Variants in WWOX observed in about 807,000 individuals in gnomAD.
WWOX encodes the protein WW domain-containing oxidoreductase.
A neutral mutation model predicts 46.2 loss-of-function variants in WWOX; 69 were observed. The observed-to-expected ratio is 1.49, with a 90% confidence interval of 1.23 to 1.82. The LOEUF is 1.82. WWOX is among the 40% of genes most tolerant of loss of function. The pLI, the probability that WWOX is intolerant of heterozygous loss-of-function variation, is 0.00. For synonymous variants in WWOX, 359 were observed against 202.6 expected (o/e 1.77, Z -6.56); for missense variants, 919 against 542.6 (o/e 1.69, Z -6.89).
chr16:78,141,053 A>T (rs1054913552), intron 4 of WWOX, among the ~76,000 whole-genome samples: 11 of 152,168 alleles, frequency 7.2e-5, no homozygotes, highest in Admixed American at 6.5e-4. Flanking sequence ...TTCAGAAGTA[A>T]TTGTTCTTTT....
chr16:78,949,198 C>A (rs1046535459), intron 8 of WWOX, among the ~76,000 whole-genome samples: 1 of 152,206 alleles, frequency 6.6e-6, no homozygotes, highest in Non-Finnish European at 1.5e-5. Flanking sequence ...AGAGCCCAGG[C>A]TGGCTGACAC....
intron 8 of WWOX, among the ~76,000 whole-genome samples, chr16:79,128,923 A>G (rs542317880): frequency 9.8e-4 from 149 of 152,272 alleles, no homozygotes; most frequent in African/African-American, 3.6e-3. Context: ...CAAAGGTGCC[A>G]TTGTTGCCCA....
chr16:78,299,881 G>A (rs2080009223), intron 5 of WWOX, among the ~76,000 whole-genome samples: 1 of 152,192 alleles, frequency 6.6e-6, no homozygotes, highest in East Asian at 1.9e-4. Context: ...CTAAGAATTT[G>A]GACTAAAATT....
chr16:79,035,949 C>G (rs2047857772), intron 8 of WWOX, among the ~76,000 whole-genome samples: 1 of 152,216 alleles, frequency 6.6e-6, no homozygotes, highest in African/African-American at 2.4e-5. Flanking sequence ...TCTTAGAAGG[C>G]CATGCCTACA....
intron 8 of WWOX, among the ~76,000 whole-genome samples, chr16:78,468,677 G>C (rs941113972): frequency 2.0e-5 from 3 of 152,126 alleles, no homozygotes; most frequent in Non-Finnish European, 4.4e-5. Context: ...CCTAGCCTAC[G>C]TTACTGCACC....
chr16:79,200,672 C>T (rs547494318), intron 8 of WWOX, among the ~76,000 whole-genome samples: 3 of 152,074 alleles, frequency 2.0e-5, no homozygotes, highest in African/African-American at 2.4e-5. Context: ...TTAGACTAAC[C>T]CTCCCTAAGC....
chr16:78,568,318 A>G (rs548997038), intron 8 of WWOX, among the ~76,000 whole-genome samples: 33 of 152,144 alleles, frequency 2.2e-4, no homozygotes, highest in Non-Finnish European at 3.4e-4. Flanking sequence ...TGTCCCTCCA[A>G]AAGCCTGCAT....
chr16:79,009,299 G>A (rs998739219), intron 8 of WWOX, among the ~76,000 whole-genome samples: 7 of 152,130 alleles, frequency 4.6e-5, no homozygotes, highest in Non-Finnish European at 7.3e-5. Context: ...ATGAAGGGGC[G>A]CTTTCTGGAA....
intron 8 of WWOX, among the ~76,000 whole-genome samples, chr16:78,467,190 G>A (rs537546320): frequency 6.6e-6 from 1 of 152,112 alleles, no homozygotes; most frequent in Non-Finnish European, 1.5e-5. Flanking sequence ...TTTCAAAGAG[G>A]TAGGCTGGAA....
intron 8 of WWOX, among the ~76,000 whole-genome samples, chr16:78,796,976 C>T (rs1000069018): frequency 1.2e-4 from 18 of 152,080 alleles, no homozygotes; most frequent in African/African-American, 4.1e-4. Context: ...TAGGCATGAG[C>T]CACCATGCCT....
chr16:79,047,501 C>T lies in WWOX; in HGVS notation c.1057-164107C>T, dbSNP rs1208700962. Among the ~76,000 whole-genome samples, 3 of 152,018 alleles carry T rather than the reference C, an allele frequency of 2.0e-5. No homozygotes were observed. The South Asian group carries it at 6.2e-4, about 32-fold the overall frequency. On this transcript the variant is annotated intron_variant, in intron 8 of 8. Coordinates refer to ENST00000566780, the MANE Select transcript of WWOX (RefSeq NM_016373.4). ...GCATATAGAAATGATGTCGTTAATGCACAAATACCTGCATCCTGTCTTGAA... is the reference window on the plus strand; with the variant it reads ...GCATATAGAAATGATGTCGTTAATGTACAAATACCTGCATCCTGTCTTGAA...
At chr16:78,595,794 G>T (rs904950179) in intron 8 of WWOX, among the ~76,000 whole-genome samples, 1 of 152,214 alleles carries the variant, frequency 6.6e-6, no homozygotes, top group African/African-American at 2.4e-5. Flanking sequence ...TTTGTGATGA[G>T]AAGATTCAAA....
chr16:78,322,101 C>T (rs181038452), intron 5 of WWOX, among the ~76,000 whole-genome samples: 23 of 152,148 alleles, frequency 1.5e-4, no homozygotes, highest in African/African-American at 5.5e-4. Context: ...CAATTTCATC[C>T]TATATAAACC....
At chr16:78,689,175 C>T (rs2047930122) in intron 8 of WWOX, among the ~76,000 whole-genome samples, 1 of 152,162 alleles carries the variant, frequency 6.6e-6, no homozygotes, top group Admixed American at 6.5e-5. Flanking sequence ...TCCACCCCAC[C>T]AACAAAGAAT....
intron 8 of WWOX, among the ~76,000 whole-genome samples, chr16:78,901,976 A>C (rs904105570): frequency 1.3e-5 from 2 of 152,188 alleles, no homozygotes; most frequent in Non-Finnish European, 1.5e-5. Flanking sequence ...GTGTATTTCT[A>C]AGTGGCAGAT....
chr16:78,586,227 T>C (rs1180085769), intron 8 of WWOX, among the ~76,000 whole-genome samples: 5 of 152,060 alleles, frequency 3.3e-5, no homozygotes, highest in African/African-American at 7.2e-5. Context: ...AAATTCAGAA[T>C]TGGAAGTTGC....
At chr16:78,690,969 C>G (rs1043765252) in intron 8 of WWOX, among the ~76,000 whole-genome samples, 2 of 152,150 alleles carry the variant, frequency 1.3e-5, no homozygotes, top group Non-Finnish European at 2.9e-5. Flanking sequence ...AACCAGGCCT[C>G]AATCTATATG....
At chr16:78,437,517 C>G (rs1039956494) in intron 8 of WWOX, among the ~76,000 whole-genome samples, 2 of 152,158 alleles carry the variant, frequency 1.3e-5, no homozygotes, top group African/African-American at 4.8e-5. Context: ...GAGAAACTCA[C>G]AGGAATCAAT....
intron 8 of WWOX, among the ~76,000 whole-genome samples, chr16:78,502,982 T>C (rs1039855735): frequency 2.6e-5 from 4 of 152,210 alleles, no homozygotes; most frequent in Admixed American, 2.6e-4. Context: ...GATCTTTGAT[T>C]ACTACACAGC....
Sources: allele counts gnomAD v4.1 joint callset (sites outside exome capture counted in the v4.1 genomes callset), GRCh38; gene constraint gnomAD v4.1.1; transcripts MANE v1.5; gene names NCBI Gene and HGNC (gene_info 2026-07-23, HGNC 2026-07-21).